The following GALNT13 variants were observed in gnomAD, a reference collection of about 807,000 sequenced individuals.
GALNT13 encodes polypeptide N-acetylgalactosaminyltransferase 13, also known as UDP-GalNAc:polypeptide N-acetylgalactosaminyltransferase 13.
A neutral mutation model predicts 64.2 loss-of-function variants in GALNT13; 28 were observed. That is an observed-to-expected ratio of 0.44 (90% CI 0.32 to 0.60). GALNT13 has a LOEUF of 0.60. GALNT13 is among the 20% of genes least tolerant of loss of function. The pLI is 0.05. For missense variants in GALNT13, 577 were observed against 669.8 expected (o/e 0.86, Z 1.53); for synonymous variants, 214 against 224.6 (o/e 0.95, Z 0.42).
chr2:154,161,664 T>C (rs1486840046), intron 4 of GALNT13, among the ~76,000 whole-genome samples: 1 of 152,244 alleles, frequency 6.6e-6, no homozygotes, highest in Admixed American at 6.5e-5. Context: ...ATTTAAATGA[T>C]GTGACAACAA....
At chr2:153,197,056 G>A in the GALNT13 span, among the ~76,000 whole-genome samples, 2 of 152,196 alleles carry the variant, frequency 1.3e-5, no homozygotes, top group African/African-American at 2.4e-5. Flanking sequence ...CCAAAGTGAT[G>A]TGTACAGGTG....
chr2:153,586,402 T>C, the GALNT13 span, among the ~76,000 whole-genome samples: 1 of 152,184 alleles, frequency 6.6e-6, no homozygotes, highest in African/African-American at 2.4e-5. Flanking sequence ...GCTATACTTA[T>C]ATCAGATAAA....
chr2:153,121,617 C>T, the GALNT13 span, among the ~76,000 whole-genome samples: 694 of 152,294 alleles, frequency 4.6e-3, 2 homozygotes, highest in Middle Eastern at 0.031. Context: ...CTGCAACCTC[C>T]GCTGCCTGGG....
Position 154,450,661 on chromosome 2 carries a change from T to A in GALNT13, c.*110T>A. ...TTGAAAGTTTTAAAAATCCTTTTAG[T>A]ATTCTAAAACACAATTGTTTCTAAT... On this transcript the variant is annotated 3_prime_UTR_variant, in exon 13 of 13. Transcript: ENST00000392825. The A allele has an allele frequency of 9.8e-7, 1 of 1,020,650 alleles. No individual in the cohort carries two copies. Among genetic ancestry groups the A allele is most frequent in the Non-Finnish European group, 1.4e-6 (1 of 725,170 alleles). 63.2% of individuals were successfully genotyped at this position (1,020,650 alleles called of 1,614,324 possible). A position where few individuals can be genotyped will look rare whatever the true frequency, so the allele number is the denominator to read the frequency against.
intron 4 of GALNT13, among the ~76,000 whole-genome samples, chr2:154,150,865 C>T (rs1190384510): frequency 6.6e-6 from 1 of 152,018 alleles, no homozygotes; most frequent in Non-Finnish European, 1.5e-5. Flanking sequence ...TTTTGGTGAT[C>T]CTTTCAAAAA....
the GALNT13 span, among the ~76,000 whole-genome samples, chr2:153,322,894 A>G: frequency 2.0e-5 from 3 of 152,184 alleles, no homozygotes; most frequent in Non-Finnish European, 4.4e-5. Flanking sequence ...TATCCAGTCT[A>G]TCACTGATGG....
intron 7 of GALNT13, among the ~76,000 whole-genome samples, chr2:154,258,359 C>A (rs1690493862): frequency 6.6e-6 from 1 of 152,016 alleles, no homozygotes; most frequent in Admixed American, 6.6e-5. Flanking sequence ...TTCGAAGTGT[C>A]CTTTCAAACC....
At chr2:153,251,967 G>A in the GALNT13 span, among the ~76,000 whole-genome samples, 6 of 151,812 alleles carry the variant, frequency 4.0e-5, no homozygotes, top group South Asian at 1.2e-3. Flanking sequence ...ATGATTTATA[G>A]TCCTTTGGGT....
At chr2:153,833,434 A>T in the GALNT13 span, among the ~76,000 whole-genome samples, 1 of 152,146 alleles carries the variant, frequency 6.6e-6, no homozygotes, top group African/African-American at 2.4e-5. Context: ...ACTTAATAAG[A>T]ACAAAAATTG....
At chr2:153,375,153 C>A in the GALNT13 span, among the ~76,000 whole-genome samples, 1 of 152,068 alleles carries the variant, frequency 6.6e-6, no homozygotes, top group Admixed American at 6.6e-5. Context: ...ACTTTTACTA[C>A]TTTTATGGCT....
intron 11 of GALNT13, among the ~76,000 whole-genome samples, chr2:154,432,059 C>T (rs1295718615): frequency 6.6e-6 from 1 of 152,134 alleles, no homozygotes; most frequent in African/African-American, 2.4e-5. Flanking sequence ...TTTGAATTGG[C>T]TTTATATGTA....
At chr2:153,167,237 T>C in the GALNT13 span, among the ~76,000 whole-genome samples, 3 of 152,164 alleles carry the variant, frequency 2.0e-5, no homozygotes, top group Non-Finnish European at 4.4e-5. Context: ...GTGGTATCCA[T>C]CCCAACAGAA....
the GALNT13 span, among the ~76,000 whole-genome samples, chr2:153,524,936 A>G: frequency 6.6e-6 from 1 of 152,158 alleles, no homozygotes; most frequent in Admixed American, 6.5e-5. Flanking sequence ...GAGTGCTGGC[A>G]TCACCCTCTC....
intron 4 of GALNT13, among the ~76,000 whole-genome samples, chr2:154,238,824 T>C (rs1573934987): frequency 6.6e-6 from 1 of 152,168 alleles, no homozygotes; most frequent in East Asian, 1.9e-4. Context: ...CTCACATCTT[T>C]ATGATTTTTT....
At chr2:154,206,725 A>G (rs553149956) in intron 4 of GALNT13, among the ~76,000 whole-genome samples, 64 of 151,910 alleles carry the variant, frequency 4.2e-4, no homozygotes, top group African/African-American at 1.5e-3. Context: ...TGAACCTTGC[A>G]GTGAGCCGAG....
intron 3 of GALNT13, among the ~76,000 whole-genome samples, chr2:153,956,668 G>T (rs1467490058): frequency 6.6e-6 from 1 of 151,104 alleles, no homozygotes. Flanking sequence ...TTACTCACTG[G>T]TTCCCTCATA....
chr2:153,849,339 T>C, the GALNT13 span, among the ~76,000 whole-genome samples: 1 of 152,146 alleles, frequency 6.6e-6, no homozygotes, highest in African/African-American at 2.4e-5. Flanking sequence ...CCTTAGAGAA[T>C]AGAAATAAGA....
chr2:153,752,605 G>T, the GALNT13 span, among the ~76,000 whole-genome samples: 6 of 152,126 alleles, frequency 3.9e-5, 1 homozygote, highest in South Asian at 1.2e-3. Context: ...CTGAAAATCT[G>T]TTGCCAGACA....
At chr2:154,138,480 C>T (rs1683073708) in intron 3 of GALNT13, among the ~76,000 whole-genome samples, 1 of 149,454 alleles carries the variant, frequency 6.7e-6, no homozygotes, top group Admixed American at 6.7e-5. Context: ...AAAAGAATCA[C>T]AAATTTTCAA....
Sources: gnomAD v4.1 joint callset for allele counts (sites outside exome capture counted in the v4.1 genomes callset) on GRCh38, gnomAD v4.1.1 for gene constraint, MANE v1.5 for transcripts, NCBI Gene and HGNC (gene_info 2026-07-23, HGNC 2026-07-21) for gene names.